MET: variants seen among roughly 807,000 people sequenced by gnomAD.
MET encodes the protein MET proto-oncogene, receptor tyrosine kinase, also known as hepatocyte growth factor receptor.
MET carries 48 observed loss-of-function variants against 133.1 expected under a neutral mutation model. The observed-to-expected ratio is 0.36, with a 90% confidence interval of 0.29 to 0.46. The LOEUF (loss-of-function observed/expected upper bound fraction) is 0.46. MET is among the 20% of genes least tolerant of loss of function. The pLI is 1.00. For synonymous variants in MET, 628 were observed against 616.5 expected, an observed-to-expected ratio of 1.02 and a Z score of -0.28; for missense variants, 1,442 against 1,695.9, an observed-to-expected ratio of 0.85 and a Z score of 2.63.
At chr7:116,746,942 A>T (rs554900106) in intron 5 of MET, among the ~76,000 whole-genome samples, 4 of 152,030 alleles carry the variant, frequency 2.6e-5, no homozygotes, top group East Asian at 1.9e-4. Context: ...AATATATATA[A>T]AAAAAGAAAC....
At chr7:116,755,134 A>G (rs1794129693) in intron 5 of MET, among the ~76,000 whole-genome samples, 2 of 152,170 alleles carry the variant, frequency 1.3e-5, no homozygotes, top group Admixed American at 1.3e-4. Context: ...CCTGAAAACA[A>G]CTTGTTTCAT....
At chr7:116,720,066 T>C (rs1466427644) in intron 2 of MET, among the ~76,000 whole-genome samples, 1 of 152,246 alleles carries the variant, frequency 6.6e-6, no homozygotes, top group African/African-American at 2.4e-5. Context: ...ATTGAATCTA[T>C]AAATTACCTT....
intron 2 of MET, 26 bp downstream of exon 2, chr7:116,700,310 T>A (rs759577935): frequency 1.3e-6 from 2 of 1,593,874 alleles, no homozygotes; most frequent in Admixed American, 1.7e-5. Flanking sequence ...TCCCCACTTA[T>A]AAACTGTGAG....
At chr7:116,764,299 T>C (rs1304741783) in intron 11 of MET, among the ~76,000 whole-genome samples, 1 of 152,200 alleles carries the variant, frequency 6.6e-6, no homozygotes, top group Non-Finnish European at 1.5e-5. Flanking sequence ...GGAAGCCCGC[T>C]TCAATGAACA....
At chr7:116,686,816 C>T (rs1054556630) in intron 1 of MET, among the ~76,000 whole-genome samples, 2 of 152,198 alleles carry the variant, frequency 1.3e-5, no homozygotes. Flanking sequence ...CTGGACAACC[C>T]TGCATCTTCT....
chr7:116,727,196 G>A (rs894016433), intron 2 of MET, among the ~76,000 whole-genome samples: 5 of 152,180 alleles, frequency 3.3e-5, no homozygotes, highest in African/African-American at 1.2e-4. Context: ...AGATGATCTC[G>A]AAAGCCCTTT....
At chr7:116,714,747 A>G (rs573050256) in intron 2 of MET, among the ~76,000 whole-genome samples, 62 of 135,466 alleles carry the variant, frequency 4.6e-4, no homozygotes, top group South Asian at 4.1e-3. Context: ...ACATGCACGC[A>G]CACACACACA....
intron 2 of MET, among the ~76,000 whole-genome samples, chr7:116,714,989 T>A (rs149050485): frequency 1.2e-3 from 189 of 152,310 alleles, no homozygotes; most frequent in Non-Finnish European, 1.7e-3. Flanking sequence ...TTACAGATGA[T>A]GAAATTGAGG....
At chr7:116,681,633 G>A (rs1796363065) in intron 1 of MET, among the ~76,000 whole-genome samples, 1 of 152,188 alleles carries the variant, frequency 6.6e-6, no homozygotes, top group Admixed American at 6.5e-5. Flanking sequence ...ATCAAGGCCT[G>A]CCTTCACTAC....
At chr7:116,686,771 C>T (rs1222096100) in intron 1 of MET, among the ~76,000 whole-genome samples, 1 of 152,206 alleles carries the variant, frequency 6.6e-6, no homozygotes, top group Non-Finnish European at 1.5e-5. Context: ...CACTGTCAAC[C>T]CAGCCCACCT....
intron 2 of MET, among the ~76,000 whole-genome samples, chr7:116,716,700 T>C (rs890178943): frequency 2.0e-5 from 3 of 152,180 alleles, no homozygotes; most frequent in Non-Finnish European, 2.9e-5. Context: ...CAAACATAGC[T>C]TGAAGGCATT....
chr7:116,716,846 CT>C (rs1792260283), intron 2 of MET, among the ~76,000 whole-genome samples: 1 of 152,224 alleles, frequency 6.6e-6, no homozygotes, highest in Non-Finnish European at 1.5e-5. Context: ...CCGTGGCTGG[CT>C]GGCCGGATGC....
At chr7:116,702,356 G>A (rs147919103) in intron 2 of MET, among the ~76,000 whole-genome samples, 139 of 151,960 alleles carry the variant, frequency 9.1e-4, no homozygotes, top group African/African-American at 3.2e-3. Flanking sequence ...TGGTTACAAA[G>A]ATCAAAATTC....
intron 19 of MET, among the ~76,000 whole-genome samples, chr7:116,786,010 G>A (rs991525012): frequency 6.6e-6 from 1 of 152,216 alleles, no homozygotes; most frequent in African/African-American, 2.4e-5. Flanking sequence ...TTCAGCCTGG[G>A]CTGTCATACA....
intron 5 of MET, among the ~76,000 whole-genome samples, chr7:116,744,759 T>C (rs1236023633): frequency 3.3e-5 from 5 of 151,522 alleles, no homozygotes; most frequent in Non-Finnish European, 7.4e-5. Flanking sequence ...AAGGTTGCAA[T>C]GAAGGAAAAA....
chr7:116,694,118 A>G (rs1796876428), intron 1 of MET, among the ~76,000 whole-genome samples: 1 of 152,184 alleles, frequency 6.6e-6, no homozygotes, highest in Non-Finnish European at 1.5e-5. Context: ...AGCGCCAAAT[A>G]CTTCTAAAAG....
chr7:116,672,420 G>T lies in MET; in HGVS notation c.-172G>T, dbSNP rs948473205. The T allele has an allele frequency of 5.1e-6, 2 of 393,314 alleles. No individual in the cohort carries two copies. The highest frequency in any genetic ancestry group is 4.1e-5 in the African/African-American group (2 of 48,278). The allele number at this position is 393,314 out of a possible 1,614,324, so 24.4% of individuals were successfully genotyped here. On this transcript the variant is annotated 5_prime_UTR_variant, in exon 1 of 21. Transcript: ENST00000397752. Reference sequence around the variant, plus strand: ...TGACCCGGAGGCCCTCGCCGCCCGCGGCGCCCCGAGCGCTTTGTGAGCAGA... The same window carrying T: ...TGACCCGGAGGCCCTCGCCGCCCGCTGCGCCCCGAGCGCTTTGTGAGCAGA...
chr7:116,781,670 C>G (rs1013850503), intron 17 of MET, among the ~76,000 whole-genome samples: 1 of 152,186 alleles, frequency 6.6e-6, no homozygotes, highest in Non-Finnish European at 1.5e-5. Flanking sequence ...TGGGCTCAAG[C>G]AATCCTCCTT....
intron 2 of MET, among the ~76,000 whole-genome samples, chr7:116,703,465 G>A (rs1285659894): frequency 6.6e-6 from 1 of 152,038 alleles, no homozygotes; most frequent in Admixed American, 6.6e-5. Flanking sequence ...TCTCTAAATA[G>A]CATATTATTA....
Sources: gnomAD v4.1 joint callset for allele counts (sites outside exome capture counted in the v4.1 genomes callset) on GRCh38, gnomAD v4.1.1 for gene constraint, MANE v1.5 for transcripts, NCBI Gene and HGNC (gene_info 2026-07-23, HGNC 2026-07-21) for gene names.